The following ANKRD30B variants were observed in gnomAD, a reference collection of about 807,000 sequenced individuals.
ANKRD30B encodes the protein ankyrin repeat domain 30B.
ANKRD30B carries 144 observed loss-of-function variants against 202.2 expected under a neutral mutation model. The ratio of observed to expected loss-of-function variants is 0.71; its 90% confidence interval spans 0.62 to 0.82. The LOEUF (loss-of-function observed/expected upper bound fraction) is 0.82. Among genes scored for constraint, ANKRD30B ranks in the 40% least tolerant of loss-of-function variants. The pLI is 0.00. For synonymous variants in ANKRD30B, 508 were observed against 561.3 expected (o/e 0.91, Z 1.34); for missense variants, 1,487 against 1,669.1 (o/e 0.89, Z 1.90).
the ANKRD30B span, among the ~76,000 whole-genome samples, chr18:14,869,397 A>G: frequency 6.6e-6 from 1 of 151,564 alleles, no homozygotes; most frequent in Non-Finnish European, 1.5e-5. Context: ...TATGACAAGA[A>G]ATATGAAATA....
the ANKRD30B span, among the ~76,000 whole-genome samples, chr18:14,912,781 C>A: frequency 6.6e-6 from 1 of 152,178 alleles, no homozygotes; most frequent in African/African-American, 2.4e-5. Flanking sequence ...ATTAGTGATT[C>A]CATAAAATTA....
intron 9 of ANKRD30B, among the ~76,000 whole-genome samples, chr18:14,772,709 G>GTTTT (rs34769482): frequency 8.8e-6 from 1 of 113,756 alleles, no homozygotes; most frequent in Non-Finnish European, 1.9e-5. Context: ...AGCATATAGG[G>GTTTT]TTTTTTTTTT....
the ANKRD30B span, among the ~76,000 whole-genome samples, chr18:14,881,465 G>A: frequency 2.6e-5 from 4 of 152,164 alleles, no homozygotes; most frequent in African/African-American, 4.8e-5. Flanking sequence ...TTTTTGATAT[G>A]TTGTTGGATT....
the ANKRD30B span, among the ~76,000 whole-genome samples, chr18:14,866,974 A>T: frequency 1.2e-4 from 1 of 8,044 alleles, no homozygotes; most frequent in Non-Finnish European, 1.2e-3. Flanking sequence ...ACTGGCAGGC[A>T]GTCCGGGGGT....
chr18:14,912,155 T>G, the ANKRD30B span, among the ~76,000 whole-genome samples: 1 of 152,210 alleles, frequency 6.6e-6, no homozygotes, highest in East Asian at 1.9e-4. Flanking sequence ...CAGTACTATG[T>G]TGAGTAAGAG....
intron 24 of ANKRD30B, among the ~76,000 whole-genome samples, chr18:14,806,502 C>G (rs982211740): frequency 6.6e-6 from 1 of 150,778 alleles, no homozygotes; most frequent in African/African-American, 2.5e-5. Flanking sequence ...CCAGTGTACC[C>G]CTTTATAAAA....
At chr18:14,865,010 C>T in the ANKRD30B span, among the ~76,000 whole-genome samples, 3 of 151,760 alleles carry the variant, frequency 2.0e-5, no homozygotes, top group African/African-American at 7.3e-5. Context: ...CCTCTTTTTG[C>T]CTTCCATCTA....
At chr18:14,878,963 T>A in the ANKRD30B span, among the ~76,000 whole-genome samples, 1 of 152,074 alleles carries the variant, frequency 6.6e-6, no homozygotes, top group South Asian at 2.1e-4. Flanking sequence ...CTGCACAGAC[T>A]TCGGAGATAT....
At chr18:14,775,124 C>T (rs1327818219) in intron 9 of ANKRD30B, among the ~76,000 whole-genome samples, 1 of 152,154 alleles carries the variant, frequency 6.6e-6, no homozygotes, top group Admixed American at 6.5e-5. Flanking sequence ...GAGACTCCAT[C>T]TCAAAAAACA....
At chr18:14,873,248 G>A in the ANKRD30B span, among the ~76,000 whole-genome samples, 9 of 152,026 alleles carry the variant, frequency 5.9e-5, no homozygotes, top group African/African-American at 9.7e-5. Context: ...ATTTGGGGCC[G>A]GGCATGGTGG....
At chr18:14,805,341 G>C (rs1969442200) in intron 24 of ANKRD30B, among the ~76,000 whole-genome samples, 1 of 150,824 alleles carries the variant, frequency 6.6e-6, no homozygotes, top group South Asian at 2.1e-4. Context: ...TAAGTCTGTT[G>C]AAACTAAATT....
chr18:14,901,676 G>C, the ANKRD30B span, among the ~76,000 whole-genome samples: 1 of 151,760 alleles, frequency 6.6e-6, no homozygotes, highest in African/African-American at 2.4e-5. Flanking sequence ...TACAGAATTT[G>C]AAAACTATTC....
At chr18:14,903,409 A>T in the ANKRD30B span, among the ~76,000 whole-genome samples, 2 of 152,190 alleles carry the variant, frequency 1.3e-5, no homozygotes, top group Admixed American at 1.3e-4. Context: ...ATGATTACTG[A>T]AGAGAATAAA....
downstream of ANKRD30B, among the ~76,000 whole-genome samples, chr18:14,859,181 T>TG (rs1972144117): frequency 1.5e-4 from 6 of 40,574 alleles, no homozygotes; most frequent in African/African-American, 2.5e-4. Context: ...TGGGGCGGGC[T>TG]GGCAGAGGCG....
intron 12 of ANKRD30B, among the ~76,000 whole-genome samples, chr18:14,783,774 G>T (rs1967903323): frequency 6.6e-6 from 1 of 151,984 alleles, no homozygotes; most frequent in South Asian, 2.1e-4. Context: ...GAAGCATTCA[G>T]ATGGATAAAC....
chr18:14,903,852 T>A, the ANKRD30B span: 1 of 152,244 alleles, frequency 6.6e-6, no homozygotes, highest in Non-Finnish European at 1.5e-5. Context: ...TTAAGCACAT[T>A]CCCAAAGACC....
the ANKRD30B span, among the ~76,000 whole-genome samples, chr18:14,908,446 G>A: frequency 6.6e-6 from 1 of 152,038 alleles, no homozygotes; most frequent in Admixed American, 6.6e-5. Flanking sequence ...TTGGCTGCCT[G>A]TAGAACATCT....
intron 5 of ANKRD30B, among the ~76,000 whole-genome samples, chr18:14,760,215 G>A (rs1376641414): frequency 1.3e-5 from 2 of 152,170 alleles, no homozygotes; most frequent in South Asian, 4.1e-4. Flanking sequence ...AAGACATTGA[G>A]CCTAAGAGAA....
chr18:14,765,474 A>T (rs982873356), intron 7 of ANKRD30B, among the ~76,000 whole-genome samples: 1 of 147,276 alleles, frequency 6.8e-6, no homozygotes, highest in African/African-American at 2.5e-5. Context: ...AAAAAAAAAA[A>T]GAAAAAGAAA....
Sources: allele counts gnomAD v4.1 joint callset (sites outside exome capture counted in the v4.1 genomes callset), GRCh38; gene constraint gnomAD v4.1.1; transcripts MANE v1.5; gene names NCBI Gene and HGNC (gene_info 2026-07-23, HGNC 2026-07-21).